The following BMP6 variants were observed in gnomAD, a reference collection of about 807,000 sequenced individuals.
BMP6 encodes the protein bone morphogenetic protein 6.
A neutral mutation model predicts 54.1 loss-of-function variants in BMP6; 17 were observed. The ratio of observed to expected loss-of-function variants is 0.31; its 90% CI spans 0.22 to 0.47. BMP6 has a LOEUF of 0.47. Ranked by LOEUF, BMP6 falls within the 20% of genes least tolerant of loss-of-function variation. The pLI is 1.00. For missense variants in BMP6, 720 were observed against 690.4 expected, an observed-to-expected ratio of 1.04 and a Z score of -0.48; for synonymous variants, 328 against 291.2, an observed-to-expected ratio of 1.13 and a Z score of -1.28.
chr6:7,872,512 T>C (rs1274334068), intron 4 of BMP6, among the ~76,000 whole-genome samples: 1 of 152,242 alleles, frequency 6.6e-6, no homozygotes, highest in East Asian at 1.9e-4. Context: ...TTCCTCTCTC[T>C]GGCCCTGATC....
In BMP6 at chr6:7,726,236, A is replaced by G. The variant is rs938801054; in HGVS notation, c.-720A>G. On this transcript the variant is annotated 5_prime_UTR_variant, in exon 1 of 7. Transcript: ENST00000283147. ...CTTTCTGCGAGCGGGTTTGCTGGGC[A>G]GCCGGGCGACCGCCGAACGGAAAGC... Among the ~76,000 whole-genome samples, 2 of 152,094 alleles carry G rather than the reference A, an allele frequency of 1.3e-5. No homozygotes were observed. Among genetic ancestry groups the G allele is most frequent in the African/African-American group, 2.4e-5 (1 of 41,418 alleles).
intron 1 of BMP6, among the ~76,000 whole-genome samples, chr6:7,760,220 C>G (rs144930958): frequency 1.3e-3 from 205 of 152,016 alleles, no homozygotes; most frequent in African/African-American, 4.7e-3. Context: ...AGCCAGTGTA[C>G]CTGACCTTCA....
chr6:7,804,555 A>T (rs1202301649), intron 1 of BMP6, among the ~76,000 whole-genome samples: 2 of 152,154 alleles, frequency 1.3e-5, no homozygotes, highest in Non-Finnish European at 2.9e-5. Flanking sequence ...TTCAATGGGG[A>T]TGAAGATTTT....
At chr6:7,856,996 C>G (rs769376942) in intron 2 of BMP6, among the ~76,000 whole-genome samples, 5 of 152,148 alleles carry the variant, frequency 3.3e-5, no homozygotes, top group African/African-American at 1.2e-4. Context: ...AGGAAAGGGT[C>G]GAAGCCTGTC....
intron 1 of BMP6, among the ~76,000 whole-genome samples, chr6:7,784,061 T>C (rs1757987219): frequency 6.6e-6 from 1 of 152,232 alleles, no homozygotes; most frequent in African/African-American, 2.4e-5. Context: ...TTAAGTTCAA[T>C]TTTTAAAATC....
intron 1 of BMP6, among the ~76,000 whole-genome samples, chr6:7,749,066 G>A (rs971756974): frequency 2.6e-5 from 4 of 152,196 alleles, no homozygotes; most frequent in African/African-American, 9.7e-5. Flanking sequence ...AGAGCTTAGC[G>A]CTTTCCTGCA....
chr6:7,777,990 T>C (rs1398062961), intron 1 of BMP6, among the ~76,000 whole-genome samples: 2 of 152,196 alleles, frequency 1.3e-5, no homozygotes, highest in Non-Finnish European at 2.9e-5. Flanking sequence ...TAATAACTTT[T>C]ATATAAGGAA....
intron 2 of BMP6, among the ~76,000 whole-genome samples, chr6:7,851,327 T>C (rs1001689318): frequency 6.6e-6 from 1 of 152,170 alleles, no homozygotes; most frequent in African/African-American, 2.4e-5. Context: ...TTTTATTAGA[T>C]TAATTTTAGG....
chr6:7,861,305 A>T (rs1332244283), intron 2 of BMP6, 146 bp from the exon 3 acceptor site: 1 of 1,048,270 alleles, frequency 9.5e-7, no homozygotes, highest in East Asian at 2.4e-5. Context: ...CACGCCTTTC[A>T]GGGCTATGGC....
At chr6:7,823,146 C>G (rs780185598) in intron 1 of BMP6, among the ~76,000 whole-genome samples, 3 of 152,130 alleles carry the variant, frequency 2.0e-5, no homozygotes, top group Non-Finnish European at 2.9e-5. Context: ...GTTACCACCA[C>G]GACACGTCCC....
At position 7,880,280 on chromosome 6, in the gene BMP6, C is replaced by T; in HGVS notation, c.1479C>T (p.Asp493=). 1 of 1,614,148 alleles carries T rather than the reference C, an allele frequency of 6.2e-7. No individual in the cohort carries two copies. Residue 493 remains aspartate (D), a synonymous_variant, in exon 7 of 7, where the codon GAC becomes GAT. Transcript: ENST00000283147. ...CCATCTCGGTTCTTTACTTTGATGA[C>T]AACTCCAATGTCATTCTGAAAAAAT... ...LNAISVLYFD[D]NSNVILKKYR...
In BMP6 at chr6:7,786,026, T is replaced by C. The variant is rs149016797; in HGVS notation, c.664+58407T>C. 3.3e-4 allele frequency among the ~76,000 whole-genome samples: 51 copies of C among 152,376 alleles called. 1 individual carries two copies. The highest frequency in any genetic ancestry group is 1.2e-3 in the African/African-American group (48 of 41,590). ...TTCTTTGCCCTTGTATTAACGAATG[T>C]GCCCCTGAAGAGTCTTGAAAATGCA... On this transcript the variant is annotated intron_variant, in intron 1 of 6. Transcript: ENST00000283147.
intron 4 of BMP6, among the ~76,000 whole-genome samples, chr6:7,877,360 A>G: frequency 6.6e-6 from 1 of 152,060 alleles, no homozygotes; most frequent in East Asian, 1.9e-4. Flanking sequence ...GGTGGCTCAC[A>G]CCTGTAATCT....
chr6:7,852,159 A>T (rs1163032188), intron 2 of BMP6, among the ~76,000 whole-genome samples: 1 of 152,260 alleles, frequency 6.6e-6, no homozygotes. Context: ...TCTGTAAGGC[A>T]GACAAAATAT....
chr6:7,754,010 G>A (rs1042697615), intron 1 of BMP6, among the ~76,000 whole-genome samples: 3 of 152,168 alleles, frequency 2.0e-5, no homozygotes, highest in African/African-American at 7.2e-5. Context: ...CTTGGTGGAT[G>A]CTTCCTGTGC....
At chr6:7,809,672 G>A (rs1452377200) in intron 1 of BMP6, among the ~76,000 whole-genome samples, 4 of 152,178 alleles carry the variant, frequency 2.6e-5, no homozygotes, top group Admixed American at 2.6e-4. Context: ...TTCAGACTCC[G>A]TAAAATAGGC....
At chr6:7,843,379 C>G (rs1759008302) in intron 1 of BMP6, among the ~76,000 whole-genome samples, 1 of 151,254 alleles carries the variant, frequency 6.6e-6, no homozygotes, top group African/African-American at 2.4e-5. Flanking sequence ...TTAGCTTCTG[C>G]AAATGCCATT....
intron 1 of BMP6, among the ~76,000 whole-genome samples, chr6:7,742,952 A>C (rs533994873): frequency 6.6e-6 from 1 of 152,122 alleles, no homozygotes; most frequent in Non-Finnish European, 1.5e-5. Flanking sequence ...TCCCTACCAG[A>C]GTATGTGAGA....
At chr6:7,786,087 G>C (rs951205320) in intron 1 of BMP6, among the ~76,000 whole-genome samples, 17 of 152,220 alleles carry the variant, frequency 1.1e-4, no homozygotes, top group African/African-American at 3.9e-4. Context: ...TAGAGGGAAA[G>C]CACGTACACG....
Sources: allele counts gnomAD v4.1 joint callset (sites outside exome capture counted in the v4.1 genomes callset), GRCh38; gene constraint gnomAD v4.1.1; transcripts MANE v1.5; gene names NCBI Gene and HGNC (gene_info 2026-07-23, HGNC 2026-07-21).